The following AGBL1 variants were observed in gnomAD, a reference collection of about 807,000 sequenced individuals.
AGBL1 encodes AGBL carboxypeptidase 1, also known as cytosolic carboxypeptidase 4.
A neutral mutation model predicts 118.9 loss-of-function variants in AGBL1; 130 were observed. The observed-to-expected ratio is 1.09, with a 90% CI of 0.95 to 1.26. The LOEUF (loss-of-function observed/expected upper bound fraction) is 1.26. Among genes scored for constraint, AGBL1 ranks in the 50% most tolerant of loss-of-function variants. The pLI, the probability that AGBL1 is intolerant of heterozygous loss-of-function variation, is 0.00. For missense variants in AGBL1, 1,584 were observed against 1,298.1 expected (o/e 1.22, Z -3.38); for synonymous variants, 555 against 478.9 (o/e 1.16, Z -2.08).
chr15:86,356,497 T>G (rs2080723257), intron 17 of AGBL1, among the ~76,000 whole-genome samples: 1 of 152,082 alleles, frequency 6.6e-6, no homozygotes, highest in South Asian at 2.1e-4. Context: ...AAGGGTGGCC[T>G]TGTTTTTTTC....
chr15:86,982,567 T>TCCCTTG (rs1272190991), intron 23 of AGBL1, among the ~76,000 whole-genome samples: 1 of 152,174 alleles, frequency 6.6e-6, no homozygotes, highest in Non-Finnish European at 1.5e-5. Context: ...CTCGCCTGCC[T>TCCCTTG]CTGTCATCCC....
chr15:86,777,303 A>G (rs182462457), intron 22 of AGBL1, among the ~76,000 whole-genome samples: 2 of 152,040 alleles, frequency 1.3e-5, no homozygotes, highest in South Asian at 4.1e-4. Context: ...ATAATTACTT[A>G]CTGGTGAAAT....
chr15:87,009,952 A>T (rs2081541711), intron 24 of AGBL1, among the ~76,000 whole-genome samples: 1 of 152,208 alleles, frequency 6.6e-6, no homozygotes, highest in Admixed American at 6.5e-5. Context: ...CATATGCAGA[A>T]GGGACTTGCC....
At position 86,526,548 on chromosome 15, in the gene AGBL1, A is replaced by G. The variant is rs62015275; in HGVS notation, c.2685+3609A>G. ...CACAGATATGTTTGTGTCTGTGTAT[A>G]TATATATATATATATATATATATAT... is the stretch of plus-strand genomic sequence containing the variant. On this transcript the variant is annotated intron_variant, in intron 19 of 22. Coordinates refer to ENST00000614907, the MANE Select transcript of AGBL1 (RefSeq NM_001386094.1). Among the ~76,000 whole-genome samples the G allele has an allele frequency of 3.9e-3, 247 of 63,300 alleles. 2 individuals are homozygous for G. Among genetic ancestry groups the G allele is most frequent in the East Asian group, 0.028 (34 of 1,214 alleles). The allele number at this position is 63,300 out of a possible 152,430, so 41.5% of individuals were successfully genotyped here.
Position 86,345,691 on chromosome 15 carries a change from T to A in AGBL1, c.2374+50283T>A, listed in dbSNP as rs575064967. 6.1e-4 allele frequency among the ~76,000 whole-genome samples: 93 copies of A among 152,306 alleles called. 3 individuals carry two copies. In the South Asian group the frequency reaches 0.019, roughly 32 times the overall value. On this transcript the variant is annotated intron_variant, in intron 17 of 22. Coordinates refer to ENST00000614907, the MANE Select transcript of AGBL1 (RefSeq NM_001386094.1). ...GATGTTGGGCCATTTTTCTAGTAAGTTTTTTCCCAATTGAGGGCTTGACAA... is the reference window on the plus strand; with the variant it reads ...GATGTTGGGCCATTTTTCTAGTAAGATTTTTCCCAATTGAGGGCTTGACAA...
At chr15:86,541,294 C>T (rs535092416) in intron 19 of AGBL1, among the ~76,000 whole-genome samples, 1 of 152,294 alleles carries the variant, frequency 6.6e-6, no homozygotes, top group East Asian at 1.9e-4. Context: ...TTGGGCTCAA[C>T]CCAGACCTAC....
At chr15:86,266,545 ACTC>A (rs2079075578) in intron 12 of AGBL1, 88 bp downstream of exon 12, 3 of 896,230 alleles carry the variant, frequency 3.3e-6, no homozygotes, top group South Asian at 1.8e-5. Flanking sequence ...TTAATAATCC[ACTC>A]CTCCTCCTAA....
At chr15:86,579,855 G>A (rs1033390178) in intron 21 of AGBL1, among the ~76,000 whole-genome samples, 2 of 152,182 alleles carry the variant, frequency 1.3e-5, no homozygotes, top group African/African-American at 4.8e-5. Context: ...GGTTGGTTGA[G>A]GTGGTGAGGG....
At chr15:86,141,191 C>T (rs1193537611) in intron 1 of AGBL1, among the ~76,000 whole-genome samples, 1 of 152,152 alleles carries the variant, frequency 6.6e-6, no homozygotes, top group Non-Finnish European at 1.5e-5. Context: ...TTCTGTATAA[C>T]AGAGGATAGA....
chr15:86,158,021 G>C (rs2077215986), intron 4 of AGBL1, among the ~76,000 whole-genome samples: 1 of 152,046 alleles, frequency 6.6e-6, no homozygotes, highest in Non-Finnish European at 1.5e-5. Flanking sequence ...GTTTTCTCTA[G>C]TCTGTTTTCC....
At chr15:86,103,172 T>C (rs1050667104) in intron 1 of AGBL1, among the ~76,000 whole-genome samples, 1 of 152,216 alleles carries the variant, frequency 6.6e-6, no homozygotes, top group African/African-American at 2.4e-5. Context: ...TCTATCTTTT[T>C]GGTAAATTTG....
At chr15:86,714,777 T>A (rs1310699376) in intron 22 of AGBL1, among the ~76,000 whole-genome samples, 1 of 152,074 alleles carries the variant, frequency 6.6e-6, no homozygotes. Context: ...TTCCCCATTC[T>A]ACCACGATGT....
chr15:86,667,766 A>T (rs1217820034), intron 21 of AGBL1, among the ~76,000 whole-genome samples: 3 of 152,160 alleles, frequency 2.0e-5, no homozygotes, highest in African/African-American at 7.2e-5. Context: ...AAATGGAAGC[A>T]TATCACTTTT....
chr15:86,377,556 A>G (rs1034244925), intron 17 of AGBL1, among the ~76,000 whole-genome samples: 4 of 152,162 alleles, frequency 2.6e-5, no homozygotes, highest in Non-Finnish European at 4.4e-5. Context: ...CTCCATTTTT[A>G]TTATTTCTTA....
At chr15:86,753,561 C>A (rs971511038) in intron 22 of AGBL1, among the ~76,000 whole-genome samples, 2 of 151,874 alleles carry the variant, frequency 1.3e-5, no homozygotes, top group Non-Finnish European at 2.9e-5. Flanking sequence ...CCACACCCGG[C>A]TAATTTTTGT....
intron 21 of AGBL1, among the ~76,000 whole-genome samples, chr15:86,581,066 C>T (rs1005631170): frequency 6.6e-6 from 1 of 152,096 alleles, no homozygotes; most frequent in East Asian, 1.9e-4. Context: ...GATGAGAGTT[C>T]CAAAAGGGGA....
chr15:86,131,128 C>T (rs1054528718), intron 1 of AGBL1, among the ~76,000 whole-genome samples: 2 of 152,148 alleles, frequency 1.3e-5, no homozygotes, highest in African/African-American at 2.4e-5. Context: ...TACATGGAGA[C>T]TTAGGGCTTC....
In AGBL1 at chr15:86,485,920, C is replaced by T. The variant is rs370424068; in HGVS notation, c.2556-36890C>T. Among the ~76,000 whole-genome samples, 23 of 152,040 alleles carry T rather than the reference C, an allele frequency of 1.5e-4. No individual in the cohort carries two copies. The South Asian group carries it at 2.7e-3, about 18-fold the overall frequency. On this transcript the variant is annotated intron_variant, in intron 18 of 22. Transcript: ENST00000614907. ...AAACCTTGACCACATCTCTCCTTTC[C>T]TTCTCCTCCTCTTTTTAAACCCAAT...
chr15:86,112,708 T>G (rs1322867982), intron 1 of AGBL1, among the ~76,000 whole-genome samples: 1 of 152,234 alleles, frequency 6.6e-6, no homozygotes, highest in Non-Finnish European at 1.5e-5. Flanking sequence ...TACACTCTCT[T>G]CAGCAGTGTA....
Sources: gnomAD v4.1 joint callset for allele counts (sites outside exome capture counted in the v4.1 genomes callset) on GRCh38, gnomAD v4.1.1 for gene constraint, MANE v1.5 for transcripts, NCBI Gene and HGNC (gene_info 2026-07-23, HGNC 2026-07-21) for gene names.